TUBA1B: variants seen among roughly 807,000 people sequenced by gnomAD.
TUBA1B encodes the protein tubulin alpha 1b.
A neutral mutation model predicts 34.4 loss-of-function variants in TUBA1B; 1 was observed. That is an observed-to-expected ratio of 0.03 (90% CI 0.01 to 0.14). The LOEUF (loss-of-function observed/expected upper bound fraction) is 0.14, where lower values mean the gene tolerates loss of function less well. TUBA1B is among the 10% of genes least tolerant of loss of function. TUBA1B has a pLI of 1.00. For missense variants in TUBA1B, 54 were observed against 583.6 expected, an observed-to-expected ratio of 0.09 and a Z score of 9.35; for synonymous variants, 197 against 212.5, an observed-to-expected ratio of 0.93 and a Z score of 0.64.
chr12:49,129,033 T>C, intron 3 of TUBA1B, 95 bp from the exon 4 acceptor site: 1 of 1,521,924 alleles, frequency 6.6e-7, no homozygotes, highest in Non-Finnish European at 8.8e-7. Context: ...CATATCTCAC[T>C]GATGTAAGCA....
At position 49,131,280 on chromosome 12, in the gene TUBA1B, G is replaced by A. The variant is rs1360303395; in HGVS notation, c.3+18C>T. 4.4e-6 allele frequency: 7 copies of A among 1,608,812 alleles called. No individual in the cohort carries two copies. In the East Asian group the frequency reaches 1.3e-4, roughly 31 times the overall value. On this transcript the variant is annotated intron_variant, in intron 1 of 3. Transcript: ENST00000336023. The stretch of plus-strand genomic sequence containing the variant: ...CCTGCTTCCCTGAAAGCAGCCGGGA[G>A]CCGCACGGCTTACTCACCATAGTGG...
At chr12:49,130,999 C>G in intron 1 of TUBA1B, 1 of 377,314 alleles carries the variant, frequency 2.7e-6, no homozygotes, top group Non-Finnish European at 5.1e-6. Flanking sequence ...AGGGACCGCA[C>G]CCAGGACACA....
rs1328224713 is a variant in TUBA1B at position 49,127,896 on chromosome 12, A to T, written c.*62T>A. The T allele has an allele frequency of 2.5e-6, 4 of 1,611,284 alleles. No individual in the cohort carries two copies. Among genetic ancestry groups the T allele is most frequent in the East Asian group, 4.5e-5 (2 of 44,894 alleles). On this transcript the variant is annotated 3_prime_UTR_variant, in exon 4 of 4. Transcript: ENST00000336023. The stretch of plus-strand genomic sequence containing the variant: ...TAACCAGAAAGCTTTAACGTCTGTC[A>T]GTTAAGCTGAAGCTGAAATTCTGGG...
chr12:49,131,369 G>T lies in TUBA1B; in HGVS notation c.-69C>A. On this transcript the variant is annotated 5_prime_UTR_variant, in exon 1 of 4. Coordinates refer to ENST00000336023, the MANE Select transcript of TUBA1B (RefSeq NM_006082.3). ...GGGTCCCGGTTACCGTCCCCGACAAGCTAAGAGTCGAGGTAAGTAACGCAC... is the reference window on the plus strand; with the variant it reads ...GGGTCCCGGTTACCGTCCCCGACAATCTAAGAGTCGAGGTAAGTAACGCAC... 1 of 1,583,788 alleles carries T rather than the reference G, an allele frequency of 6.3e-7. No individual in the cohort carries two copies. Among genetic ancestry groups the T allele is most frequent in the Non-Finnish European group, 8.6e-7 (1 of 1,159,840 alleles).
intron 1 of TUBA1B, chr12:49,130,149 C>A: frequency 2.5e-6 from 3 of 1,209,638 alleles, no homozygotes; most frequent in South Asian, 1.4e-5. Context: ...AGGCCTCCTT[C>A]CAGACCAAGA....
At chr12:49,130,110 G>C in intron 1 of TUBA1B, 6 of 1,202,032 alleles carry the variant, frequency 5.0e-6, no homozygotes, top group Non-Finnish European at 6.3e-6. Flanking sequence ...TGCTTTTAAT[G>C]AATGTTACCT....
At chr12:49,131,057 C>A (rs1279682947) in intron 1 of TUBA1B, 3 of 492,800 alleles carry the variant, frequency 6.1e-6, no homozygotes, top group Non-Finnish European at 1.1e-5. Flanking sequence ...GCAGCCCGAG[C>A]CCCCCATCCC....
Position 49,128,186 on chromosome 12 carries a change from G to A in TUBA1B, c.1128C>T (p.Cys376=), listed in dbSNP as rs1236949896. Residue 376 remains cysteine (C), a synonymous_variant, in exon 4 of 4, where the codon TGC becomes TGT. Coordinates refer to ENST00000336023, the MANE Select transcript of TUBA1B (RefSeq NM_006082.3). This position sits in a 1 kb window ranked among gnomAD's most constrained non-coding sequence, Gnocchi z 8.1. Reference sequence around the variant, plus strand: ...CAATGGCTGTGGTGTTGCTCAGCATGCACACAGCTCTCTGTACCTTGGCCA... The same window carrying A: ...CAATGGCTGTGGTGTTGCTCAGCATACACACAGCTCTCTGTACCTTGGCCA... ...GDLAKVQRAV[C]MLSNTTAIAE... 1 of 1,614,060 alleles carries A rather than the reference G, an allele frequency of 6.2e-7. No homozygotes were observed. The highest frequency in any genetic ancestry group is 1.3e-5 in the African/African-American group (1 of 74,912).
At chr12:49,131,268 A>G in intron 1 of TUBA1B, 30 bp downstream of exon 1, 2 of 1,604,566 alleles carry the variant, frequency 1.2e-6, no homozygotes, top group Non-Finnish European at 1.7e-6. Context: ...GCTTCCCTGA[A>G]AGCAGCCGGG....
intron 1 of TUBA1B, 76 bp downstream of exon 1, chr12:49,131,222 A>C: frequency 1.9e-6 from 3 of 1,546,314 alleles, no homozygotes; most frequent in Non-Finnish European, 2.6e-6. Context: ...CCGGCTGTAT[A>C]CAGGGCCCCA....
chr12:49,129,010 T>G (rs1941771853), intron 3 of TUBA1B, 72 bp from the exon 4 acceptor site: 4 of 1,533,214 alleles, frequency 2.6e-6, no homozygotes, highest in Non-Finnish European at 3.5e-6. Flanking sequence ...TTTCAACTTT[T>G]TAGATTACGA....
Position 49,128,102 on chromosome 12 carries a change from A to G in TUBA1B, c.1212T>C (p.Phe404=). 6.2e-7 allele frequency: 1 copy of G among 1,614,220 alleles called. No homozygotes were observed. Among genetic ancestry groups the G allele is most frequent in the Non-Finnish European group, 8.5e-7 (1 of 1,180,048 alleles). ...TCCCCTCACCCACGTACCAGTGAAC[A>G]AAGGCACGCTTGGCATACATCAGGT... is the stretch of plus-strand genomic sequence containing the variant. The part of the protein sequence containing the change: ...KFDLMYAKRA[F]VHWYVGEGME... The change falls in exon 4 of 4, where the codon TTT becomes TTC. Residue 404 remains phenylalanine (F), a synonymous_variant. Coordinates refer to ENST00000336023, the MANE Select transcript of TUBA1B (RefSeq NM_006082.3). The surrounding 1 kb of genome is among the most constrained non-coding windows in gnomAD (Gnocchi z 8.1).
In TUBA1B at chr12:49,131,346, G is replaced by C. The variant is rs767156959; in HGVS notation, c.-46C>G. On this transcript the variant is annotated 5_prime_UTR_variant, in exon 1 of 4. Coordinates refer to ENST00000336023, the MANE Select transcript of TUBA1B (RefSeq NM_006082.3). ...CGAAGGCGACAGGAGCAGACACCGG[G>C]TCCCGGTTACCGTCCCCGACAAGCT... 8 of 1,607,934 alleles carry C rather than the reference G, an allele frequency of 5.0e-6. No individual in the cohort carries two copies. Among genetic ancestry groups the C allele is most frequent in the Non-Finnish European group, 6.8e-6 (8 of 1,177,232 alleles).
chr12:49,128,828 G>C lies in TUBA1B; in HGVS notation c.486C>G (p.Gly162=). ...TGGAGAACTCCAGCTTGGACTTCTTGCCATAATCAACTGAGAGACGTTCCA... is the reference window on the plus strand; with the variant it reads ...TGGAGAACTCCAGCTTGGACTTCTTCCCATAATCAACTGAGAGACGTTCCA... ...LLMERLSVDY[G]KKSKLEFSIY... is the part of the protein sequence containing the mutation. Residue 162 remains glycine (G), a synonymous_variant, in exon 4 of 4, where the codon GGC becomes GGG. Coordinates refer to ENST00000336023, the MANE Select transcript of TUBA1B (RefSeq NM_006082.3). The surrounding 1 kb of genome is among the most constrained non-coding windows in gnomAD (Gnocchi z 8.1). 2 of 1,614,006 alleles carry C rather than the reference G, an allele frequency of 1.2e-6. No homozygotes were observed. The highest frequency in any genetic ancestry group is 1.7e-6 in the Non-Finnish European group (2 of 1,180,032).
At position 49,131,358 on chromosome 12, in the gene TUBA1B, G is replaced by A. The variant is rs770708924; in HGVS notation, c.-58C>T. 3 of 1,599,592 alleles carry A rather than the reference G, an allele frequency of 1.9e-6. No individual in the cohort carries two copies. Among genetic ancestry groups the A allele is most frequent in the Non-Finnish European group, 2.6e-6 (3 of 1,171,620 alleles). ...GAGCAGACACCGGGTCCCGGTTACC[G>A]TCCCCGACAAGCTAAGAGTCGAGGT... On this transcript the variant is annotated 5_prime_UTR_variant, in exon 1 of 4. The change creates a new upstream start codon in the 5' untranslated region. Transcript: ENST00000336023.
chr12:49,128,952 A>G lies in TUBA1B; in HGVS notation c.376-14T>C. 1 of 1,576,388 alleles carries G rather than the reference A, an allele frequency of 6.3e-7. No individual in the cohort carries two copies. The highest frequency in any genetic ancestry group is 8.6e-7 in the Non-Finnish European group (1 of 1,165,606). On this transcript the variant is annotated splice_polypyrimidine_tract_variant and intron_variant, in intron 3 of 3. Transcript: ENST00000336023. This position sits in a 1 kb window ranked among gnomAD's most constrained non-coding sequence, Gnocchi z 8.1. ...GCACTGGTCAGCCTGTAGGGGAATA[A>G]AAAAATGTAATATTTTAATGCCAGG... is the stretch of plus-strand genomic sequence containing the variant.
intron 1 of TUBA1B, 166 bp from the exon 2 acceptor site, chr12:49,129,888 C>A: frequency 1.6e-6 from 2 of 1,251,180 alleles, no homozygotes; most frequent in Non-Finnish European, 2.2e-6. Context: ...TCCAGTCATC[C>A]CCCCACCTCA....
intron 1 of TUBA1B, 40 bp from the exon 2 acceptor site, chr12:49,129,762 T>TATTGATG (rs1941780010): frequency 6.2e-7 from 1 of 1,613,330 alleles, no homozygotes; most frequent in African/African-American, 1.3e-5. Context: ...TAAACCAATC[T>TATTGATG]ATTGATGACT....
intron 1 of TUBA1B, chr12:49,131,076 T>G (rs1310993464): frequency 3.8e-6 from 2 of 520,518 alleles, no homozygotes; most frequent in African/African-American, 1.9e-5. Context: ...CCTTCCAGAG[T>G]CCGAGAAGAA....
Sources: gnomAD v4.1 joint callset for allele counts on GRCh38, gnomAD v4.1.1 for gene constraint, Gnocchi (gnomAD v3.1) non-coding constraint, MANE v1.5 for transcripts, NCBI Gene and HGNC (gene_info 2026-07-23, HGNC 2026-07-21) for gene names.